Variants in COL18A1 observed in about 807,000 individuals in gnomAD.
COL18A1 encodes the protein collagen type XVIII alpha 1 chain.
A neutral mutation model predicts 168.0 loss-of-function variants in COL18A1; 133 were observed. The observed-to-expected ratio is 0.79, with a 90% CI of 0.69 to 0.91. The LOEUF (loss-of-function observed/expected upper bound fraction) is 0.91, where lower values mean the gene tolerates loss of function less well. COL18A1 is among the 40% of genes least tolerant of loss of function. The pLI is 0.00. For synonymous variants in COL18A1, 949 were observed against 809.0 expected, an observed-to-expected ratio of 1.17 and a Z score of -2.94; for missense variants, 2,126 against 1,925.4, an observed-to-expected ratio of 1.10 and a Z score of -1.95.
chr21:45,476,492 T>C lies in COL18A1; in HGVS notation c.928+12T>C, dbSNP rs2145919587. On this transcript the variant is annotated intron_variant, in intron 6 of 41. Transcript: ENST00000651438. ...GGCTTCGTTAGGAGGTAAGCTCTTT[T>C]CTGGATGTGGTGTGTGTGTGGTGTG... is the stretch of plus-strand genomic sequence containing the variant. 1 of 1,590,910 alleles carries C rather than the reference T, an allele frequency of 6.3e-7. No homozygotes were observed. The highest frequency in any genetic ancestry group is 8.6e-7 in the Non-Finnish European group (1 of 1,168,188).
chr21:45,434,165 A>G (rs1321590568), intron 2 of COL18A1, among the ~76,000 whole-genome samples: 2 of 150,388 alleles, frequency 1.3e-5, no homozygotes, highest in South Asian at 2.1e-4. Flanking sequence ...TCATGGGTGC[A>G]TGATCCAGAA....
chr21:45,501,647 T>C (rs969490915), intron 32 of COL18A1, among the ~76,000 whole-genome samples: 2 of 150,560 alleles, frequency 1.3e-5, no homozygotes, highest in Non-Finnish European at 3.0e-5. Flanking sequence ...TCCCAGGTGG[T>C]GGGGCCTCCA....
chr21:45,485,384 A>G (rs1361818241), intron 15 of COL18A1, among the ~76,000 whole-genome samples: 6 of 151,690 alleles, frequency 4.0e-5, no homozygotes, highest in Non-Finnish European at 8.8e-5. Context: ...TAATCCCAGC[A>G]CTTTGGGAGG....
chr21:45,461,316 G>C (rs1278880713), intron 2 of COL18A1, among the ~76,000 whole-genome samples: 1 of 152,112 alleles, frequency 6.6e-6, no homozygotes, highest in Admixed American at 6.5e-5. Context: ...AAATGGTCCA[G>C]TAGTCCAACA....
chr21:45,510,952 A>ACACACATCCACAC, intron 40 of COL18A1, among the ~76,000 whole-genome samples, 159 bp from the exon 41 acceptor site: 1 of 5,182 alleles, frequency 1.9e-4, no homozygotes, highest in South Asian at 9.1e-3. Context: ...CACACCCACA[A>ACACACATCCACAC]CACCCCACAT....
chr21:45,478,302 C>T, intron 8 of COL18A1, 25 bp from the exon 9 acceptor site: 1 of 1,614,078 alleles, frequency 6.2e-7, no homozygotes, highest in South Asian at 1.1e-5. Flanking sequence ...TTTCCCATCA[C>T]TAATGGCTTC....
At chr21:45,505,804 C>G (rs1364215156) in intron 36 of COL18A1, 34 bp from the exon 37 acceptor site, 5 of 1,561,674 alleles carry the variant, frequency 3.2e-6, no homozygotes, top group Non-Finnish European at 4.3e-6. Flanking sequence ...GCCCTCCCCG[C>G]CAAGCCCCAC....
At chr21:45,479,522 AC>A (rs2035814786) in intron 9 of COL18A1, among the ~76,000 whole-genome samples, 1 of 151,936 alleles carries the variant, frequency 6.6e-6, no homozygotes, top group African/African-American at 2.4e-5. Context: ...GATTATGCAC[AC>A]CATACATGCA....
chr21:45,512,410 A>T lies in COL18A1; in HGVS notation c.*12A>T, dbSNP rs981074972. The T allele has an allele frequency of 8.7e-6, 14 of 1,611,284 alleles. No individual in the cohort carries two copies. Among genetic ancestry groups the T allele is most frequent in the Non-Finnish European group, 1.2e-5 (14 of 1,179,346 alleles). ...CTGCCTCCAAGTAGCCACCGCCTGG[A>T]TGCGGATGGCCGGAGAGGACCGGCG... is the stretch of plus-strand genomic sequence containing the variant. On this transcript the variant is annotated 3_prime_UTR_variant, in exon 42 of 42. Coordinates refer to ENST00000651438, the MANE Select transcript of COL18A1 (RefSeq NM_001379500.1).
rs533945418 is a variant in COL18A1 at position 45,481,980 on chromosome 21, G to A, written c.1629G>A (p.Pro543=). The change falls in exon 14 of 42, where the codon CCG becomes CCA. Residue 543 remains proline (P), a synonymous_variant. Coordinates refer to ENST00000651438, the MANE Select transcript of COL18A1 (RefSeq NM_001379500.1). ...TCCCCCAGGGACCCCCAGGCCCTCC[G>A]GGAAGAGAGGGGCCCCCAGGAAGGA... The part of the protein sequence containing the change: ...FPGLPGPPGP[P]GREGPPGRTG... 11 of 1,613,508 alleles carry A rather than the reference G, an allele frequency of 6.8e-6. No homozygotes were observed. Among genetic ancestry groups the A allele is most frequent in the South Asian group, 5.5e-5 (5 of 91,050 alleles).
intron 9 of COL18A1, 108 bp downstream of exon 9, chr21:45,478,461 T>C: frequency 2.1e-6 from 3 of 1,444,990 alleles, no homozygotes; most frequent in Non-Finnish European, 2.9e-6. Flanking sequence ...GTGAGGAGAC[T>C]GTACAGCAAA....
chr21:45,477,349 C>T (rs375579046), intron 6 of COL18A1, 62 bp from the exon 7 acceptor site: 121 of 1,417,034 alleles, frequency 8.5e-5, no homozygotes, highest in African/African-American at 4.8e-4. Context: ...TCTGGGGTGC[C>T]GAGAGCAGAG....
chr21:45,497,308 G>A (rs2036577335), intron 31 of COL18A1, among the ~76,000 whole-genome samples: 1 of 152,236 alleles, frequency 6.6e-6, no homozygotes, highest in African/African-American at 2.4e-5. Context: ...GCCCCCATTT[G>A]CTGTTCTCCG....
chr21:45,416,845 T>C (rs910414028), intron 2 of COL18A1, among the ~76,000 whole-genome samples: 2 of 152,136 alleles, frequency 1.3e-5, no homozygotes, highest in Non-Finnish European at 2.9e-5. Flanking sequence ...CTTCCCTCGT[T>C]CTGCATATGC....
At chr21:45,490,480 CT>C in intron 20 of COL18A1, 134 bp downstream of exon 20, 1 of 730,156 alleles carries the variant, frequency 1.4e-6, no homozygotes, top group Non-Finnish European at 2.3e-6. Flanking sequence ...GTCCCTGGGC[CT>C]CCGTGTGCCC....
At chr21:45,444,164 G>A (rs939976009) in intron 2 of COL18A1, among the ~76,000 whole-genome samples, 4 of 152,206 alleles carry the variant, frequency 2.6e-5, no homozygotes, top group African/African-American at 7.2e-5. Context: ...TGACACATTC[G>A]CTCCATGGTA....
chr21:45,451,015 C>T (rs1188620259), intron 2 of COL18A1, among the ~76,000 whole-genome samples: 1 of 152,240 alleles, frequency 6.6e-6, no homozygotes, highest in East Asian at 1.9e-4. Context: ...GTGCCATCAC[C>T]TCTGGAGACA....
chr21:45,497,078 C>G lies in COL18A1; in HGVS notation c.2606C>G (p.Pro869Arg), dbSNP rs886832289. 6.3e-7 allele frequency: 1 copy of G among 1,598,296 alleles called. No homozygotes were observed. The highest frequency in any genetic ancestry group is 8.5e-7 in the Non-Finnish European group (1 of 1,172,842). ...TTTGCTGAGTCCAGCCGCCCCGGGCCTCCAGGATTGCCAGGTGAGGGTCCT... is the reference window on the plus strand; with the variant it reads ...TTTGCTGAGTCCAGCCGCCCCGGGCGTCCAGGATTGCCAGGTGAGGGTCCT... ...NVFAESSRPG[P>R]PGLPGNQGPP... Residue 869 changes from proline to arginine, a missense_variant, in exon 31 of 42, where the codon CCT (proline) becomes CGT (arginine). By Grantham distance (103) the Pro-to-Arg change is moderately radical. Transcript: ENST00000651438.
At chr21:45,488,252 G>T (rs961756845) in intron 17 of COL18A1, among the ~76,000 whole-genome samples, 166 bp from the exon 18 acceptor site, 2 of 152,248 alleles carry the variant, frequency 1.3e-5, no homozygotes, top group East Asian at 1.9e-4. Flanking sequence ...GAAACTAATT[G>T]ATTCCATAGT....
Sources: gnomAD v4.1 joint callset for allele counts (sites outside exome capture counted in the v4.1 genomes callset) on GRCh38, gnomAD v4.1.1 for gene constraint, MANE v1.5 for transcripts, NCBI Gene and HGNC (gene_info 2026-07-23, HGNC 2026-07-21) for gene names.